NCOR2: variants seen among roughly 807,000 people sequenced by gnomAD.
NCOR2 encodes the protein nuclear receptor corepressor 2.
A neutral mutation model predicts 262.9 loss-of-function variants in NCOR2; 81 were observed. That is an observed-to-expected ratio of 0.31 (90% CI 0.26 to 0.37). The LOEUF (loss-of-function observed/expected upper bound fraction) is 0.37, where lower values mean the gene tolerates loss of function less well. NCOR2 is among the 10% of genes least tolerant of loss of function. The pLI is 1.00. For synonymous variants in NCOR2, 1,659 were observed against 1,559.3 expected (o/e 1.06, Z -1.51); for missense variants, 3,385 against 3,621.4 (o/e 0.93, Z 1.68).
At chr12:124,452,450 C>T (rs1426829669) in intron 6 of NCOR2, among the ~76,000 whole-genome samples, 1 of 152,236 alleles carries the variant, frequency 6.6e-6, no homozygotes, top group African/African-American at 2.4e-5. Flanking sequence ...GACAAGTGCC[C>T]TCAACACTCC....
At chr12:124,347,697 T>G (rs1229399233) in intron 30 of NCOR2, 128 bp downstream of exon 32, 5 of 855,772 alleles carry the variant, frequency 5.8e-6, no homozygotes, top group Non-Finnish European at 9.3e-6. Flanking sequence ...CATGTACATG[T>G]GTGCTGCAGG....
Position 124,370,433 on chromosome 12 carries a change from CAG to C in NCOR2, c.2807+1587_2807+1588del, listed in dbSNP as rs955986280. On this transcript the variant is annotated intron_variant, in intron 20 of 46. Transcript: ENST00000405201. ...ACATGGCCCAGGGTGAACCCCAGGG[CAG>C]AGACAAGGGCCCCGCATGACCCTGC... Among the ~76,000 whole-genome samples, 2 of 152,182 alleles carry C rather than the reference CAG, an allele frequency of 1.3e-5. 1 individual carries two copies. Among genetic ancestry groups the C allele is most frequent in the Admixed American group, 1.3e-4 (2 of 15,290 alleles).
chr12:124,453,531 G>A (rs1184614117), intron 6 of NCOR2, among the ~76,000 whole-genome samples: 1 of 152,234 alleles, frequency 6.6e-6, no homozygotes, highest in African/African-American at 2.4e-5. Context: ...GATGAGGCAT[G>A]GTGGTGACTA....
chr12:124,340,819 A>C, intron 34 of NCOR2, 68 bp from the exon 37 acceptor site: 1 of 1,405,108 alleles, frequency 7.1e-7, no homozygotes, highest in East Asian at 2.6e-5. Flanking sequence ...CACCGGCCAG[A>C]TCACCCTCCT....
rs2044454862 is a variant in NCOR2 at position 124,437,883 on chromosome 12, TC to T, written c.882+46del. On this transcript the variant is annotated intron_variant, in intron 8 of 46. Transcript: ENST00000405201. ...GTGTGGCCCCCTGTGCGCTCGATTC[TC>T]CCCAGATCTCAAGGAAAGCTGATGG... 3 of 1,569,832 alleles carry T rather than the reference TC, an allele frequency of 1.9e-6. No homozygotes were observed. In the East Asian group the frequency reaches 6.9e-5, roughly 36 times the overall value.
chr12:124,410,826 T>C (rs1030173243), intron 13 of NCOR2, among the ~76,000 whole-genome samples: 1 of 151,156 alleles, frequency 6.6e-6, no homozygotes, highest in African/African-American at 2.5e-5. Context: ...CCGGTCATAC[T>C]GTTCCCTGTG....
intron 23 of NCOR2, among the ~76,000 whole-genome samples, chr12:124,356,097 G>C (rs1205807074): frequency 6.6e-6 from 1 of 152,208 alleles, no homozygotes; most frequent in Non-Finnish European, 1.5e-5. Context: ...GCTCTCTCCT[G>C]CCTCTGGGCT....
chr12:124,411,874 G>C (rs1444099668), intron 13 of NCOR2, among the ~76,000 whole-genome samples: 1 of 152,212 alleles, frequency 6.6e-6, no homozygotes, highest in African/African-American at 2.4e-5. Context: ...GGAGGTGGGG[G>C]CTCGGCCCTC....
chr12:124,376,969 C>G (rs558387544), intron 18 of NCOR2, among the ~76,000 whole-genome samples: 1 of 152,202 alleles, frequency 6.6e-6, no homozygotes, highest in East Asian at 1.9e-4. Flanking sequence ...CAGGGGCCTT[C>G]GGTCACGCCA....
rs1259467553 is a variant in NCOR2 at position 124,432,590 on chromosome 12, G to A, written c.883-1803C>T. On this transcript the variant is annotated intron_variant, in intron 8 of 46. Transcript: ENST00000405201. This position sits in a 1 kb window ranked among gnomAD's most constrained non-coding sequence, Gnocchi z 5.1. ...CAGGAAGCTGTGCTGTACAACATGCGGGCCCGTCAGCCCTGGGGAGGGGCA... is the reference window on the plus strand; with the variant it reads ...CAGGAAGCTGTGCTGTACAACATGCAGGCCCGTCAGCCCTGGGGAGGGGCA... 4.6e-5 allele frequency among the ~76,000 whole-genome samples: 7 copies of A among 152,154 alleles called. No individual in the cohort carries two copies. The highest frequency in any genetic ancestry group is 7.2e-5 in the African/African-American group (3 of 41,426).
At position 124,440,733 on chromosome 12, in the gene NCOR2, T is replaced by C. The variant is rs554931287; in HGVS notation, c.816-2737A>G. Among the ~76,000 whole-genome samples, 9 of 152,038 alleles carry C rather than the reference T, an allele frequency of 5.9e-5. No homozygotes were observed. Among genetic ancestry groups the C allele is most frequent in the Non-Finnish European group, 8.8e-5 (6 of 67,984 alleles). On this transcript the variant is annotated intron_variant, in intron 7 of 46. Transcript: ENST00000405201. The surrounding 1 kb of genome is among the most constrained non-coding windows in gnomAD (Gnocchi z 5.7). ...CCTGGATTTGGGAACTTAAATGGAATGGTGGGCTAGTGGGTGCTGGGGGAC... is the reference window on the plus strand; with the variant it reads ...CCTGGATTTGGGAACTTAAATGGAACGGTGGGCTAGTGGGTGCTGGGGGAC...
rs986113296 is a variant in NCOR2, at chr12:124,347,765, G to A, written c.4072+60C>T. On this transcript the variant is annotated intron_variant, in intron 30 of 46. Transcript: ENST00000405201. ...CACTCTGGCTGTGTCTCTCCCTCCC[G>A]CGCCCTGCGTGACTGTACACCCGTT... 28 of 1,515,678 alleles carry A rather than the reference G, an allele frequency of 1.8e-5. 1 individual carries two copies. The highest frequency in any genetic ancestry group is 1.4e-4 in the African/African-American group (10 of 72,266). The allele number at this position is 1,515,678 out of a possible 1,614,324, so 93.9% of individuals were successfully genotyped here.
chr12:124,412,497 G>A (rs1279278658), intron 13 of NCOR2, among the ~76,000 whole-genome samples: 1 of 152,260 alleles, frequency 6.6e-6, no homozygotes, highest in Non-Finnish European at 1.5e-5. Flanking sequence ...GAAGGGGCTG[G>A]CTGCCATCGG....
intron 7 of NCOR2, among the ~76,000 whole-genome samples, chr12:124,449,456 CCT>C (rs1462796091): frequency 6.6e-6 from 1 of 152,210 alleles, no homozygotes; most frequent in Non-Finnish European, 1.5e-5. Context: ...TCCCCATCTC[CCT>C]GAGCCGGCTG....
chr12:124,357,102 C>T (rs2038012886), intron 22 of NCOR2, among the ~76,000 whole-genome samples: 3 of 152,252 alleles, frequency 2.0e-5, no homozygotes, highest in African/African-American at 7.2e-5. Context: ...GGTCCCTGGA[C>T]AGGCCTCTAA....
intron 1 of NCOR2, among the ~76,000 whole-genome samples, chr12:124,507,900 G>A (rs1035160321): frequency 3.3e-5 from 5 of 152,216 alleles, no homozygotes; most frequent in African/African-American, 9.7e-5. Flanking sequence ...TGCAGCTGCC[G>A]GAAACGCCTC....
intron 1 of NCOR2, among the ~76,000 whole-genome samples, chr12:124,547,403 T>C (rs1348429532): frequency 6.6e-6 from 1 of 152,162 alleles, no homozygotes; most frequent in Non-Finnish European, 1.5e-5. Context: ...GTATATAGGG[T>C]TCCATACTGT....
chr12:124,411,430 GAC>G (rs895733929), intron 13 of NCOR2, among the ~76,000 whole-genome samples: 2 of 152,194 alleles, frequency 1.3e-5, no homozygotes, highest in African/African-American at 4.8e-5. Context: ...TTCCTTCTTG[GAC>G]CCAGGCCGGA....
intron 12 of NCOR2, among the ~76,000 whole-genome samples, chr12:124,421,164 C>T (rs887069106): frequency 1.3e-5 from 2 of 152,256 alleles, no homozygotes; most frequent in Admixed American, 6.5e-5. Flanking sequence ...CCCAGCCAGA[C>T]GTCAGCCTCA....
Sources: gnomAD v4.1 joint callset for allele counts (sites outside exome capture counted in the v4.1 genomes callset) on GRCh38, gnomAD v4.1.1 for gene constraint, Gnocchi (gnomAD v3.1) non-coding constraint, MANE v1.5 for transcripts, NCBI Gene and HGNC (gene_info 2026-07-23, HGNC 2026-07-21) for gene names.